CHRM2: variants seen among roughly 807,000 people sequenced by gnomAD.
CHRM2 encodes cholinergic receptor muscarinic 2.
A neutral mutation model predicts 25.0 loss-of-function variants in CHRM2; 8 were observed. That is an observed-to-expected ratio of 0.32 (90% CI 0.19 to 0.58). The LOEUF is 0.58. Among genes scored for constraint, CHRM2 ranks in the 20% least tolerant of loss-of-function variants. CHRM2 has a pLI of 0.88. For missense variants in CHRM2, 440 were observed against 567.1 expected (o/e 0.78, Z 2.28); for synonymous variants, 202 against 205.7 (o/e 0.98, Z 0.15).
At chr7:136,964,544 A>G (rs935712205) in intron 2 of CHRM2, among the ~76,000 whole-genome samples, 5 of 152,182 alleles carry the variant, frequency 3.3e-5, no homozygotes, top group African/African-American at 9.7e-5. Context: ...CAGCATTGCC[A>G]AATTCTTTCT....
chr7:136,923,296 G>C (rs918313223), intron 2 of CHRM2, among the ~76,000 whole-genome samples: 9 of 144,616 alleles, frequency 6.2e-5, no homozygotes, highest in African/African-American at 2.3e-4. Context: ...GGTCAGTAAA[G>C]ATGTGAAATT....
At chr7:136,874,493 C>T (rs1044001490) in intron 2 of CHRM2, among the ~76,000 whole-genome samples, 2 of 151,824 alleles carry the variant, frequency 1.3e-5, no homozygotes, top group African/African-American at 4.8e-5. Context: ...TTCTCATTTT[C>T]TTTCATTAGT....
intron 2 of CHRM2, among the ~76,000 whole-genome samples, chr7:136,952,578 CTTTTT>C (rs11348809): frequency 1.3e-5 from 2 of 151,022 alleles, no homozygotes; most frequent in East Asian, 3.9e-4. Context: ...TTTTTTAAAA[CTTTTT>C]TTTTTAAGTT....
intron 2 of CHRM2, among the ~76,000 whole-genome samples, chr7:136,989,660 T>C (rs766336224): frequency 7.9e-5 from 12 of 152,128 alleles, no homozygotes; most frequent in Non-Finnish European, 1.8e-4. Context: ...CTAGCATGTC[T>C]TCTCCATCCC....
In CHRM2 at chr7:136,915,569, A is replaced by G. The variant is rs543814639; in HGVS notation, c.-125+46151A>G. ...ATGTTCTAGTTTATAGGGAGATTGA[A>G]GAATCTTATAACCTCTCAACTAGAA... On this transcript the variant is annotated intron_variant, in intron 2 of 3. Coordinates refer to ENST00000680005, the MANE Select transcript of CHRM2 (RefSeq NM_001006630.2). 6.0e-4 allele frequency among the ~76,000 whole-genome samples: 91 copies of G among 151,992 alleles called. 1 individual carries two copies. The highest frequency in any genetic ancestry group is 2.0e-3 in the African/African-American group (82 of 41,536).
intron 2 of CHRM2, among the ~76,000 whole-genome samples, chr7:136,980,595 C>A (rs1802421533): frequency 1.3e-5 from 2 of 152,244 alleles, no homozygotes; most frequent in South Asian, 4.1e-4. Context: ...ATAAATAGCT[C>A]TTATTATTTT....
intron 2 of CHRM2, among the ~76,000 whole-genome samples, chr7:136,930,172 C>G (rs1487474417): frequency 6.6e-6 from 1 of 152,132 alleles, no homozygotes; most frequent in Non-Finnish European, 1.5e-5. Context: ...GTGGCTCACA[C>G]CAGTAATCCC....
rs902544661 is a variant in CHRM2 at position 136,965,754 on chromosome 7, T to G, written c.-124-26433T>G. Among the ~76,000 whole-genome samples the G allele has an allele frequency of 2.6e-5, 4 of 152,018 alleles. No individual in the cohort carries two copies. In the South Asian group the frequency reaches 8.3e-4, roughly 31 times the overall value. ...TGGTTGGCTGCAAAAGCCATTATTA[T>G]GATGCATTCATGTATTAAAGAGATA... On this transcript the variant is annotated intron_variant, in intron 2 of 3. Coordinates refer to ENST00000680005, the MANE Select transcript of CHRM2 (RefSeq NM_001006630.2).
intron 2 of CHRM2, among the ~76,000 whole-genome samples, chr7:136,900,790 T>C (rs1563054079): frequency 6.6e-6 from 1 of 151,970 alleles, no homozygotes; most frequent in Non-Finnish European, 1.5e-5. Context: ...TTTCCGTATG[T>C]GCAGGGTGAG....
intron 2 of CHRM2, among the ~76,000 whole-genome samples, chr7:136,961,754 G>A (rs570767061): frequency 2.0e-5 from 3 of 152,052 alleles, no homozygotes; most frequent in Non-Finnish European, 4.4e-5. Flanking sequence ...GTAGGAAAAG[G>A]GGTCCAAAAA....
chr7:136,964,684 G>A (rs1342013554), intron 2 of CHRM2, among the ~76,000 whole-genome samples: 1 of 152,070 alleles, frequency 6.6e-6, no homozygotes, highest in Non-Finnish European at 1.5e-5. Context: ...TATGTAGTCT[G>A]TTCATCAGAG....
chr7:136,958,654 A>G (rs983068642), intron 2 of CHRM2, among the ~76,000 whole-genome samples: 1 of 151,780 alleles, frequency 6.6e-6, no homozygotes, highest in Non-Finnish European at 1.5e-5. Flanking sequence ...ATGGAGTTTC[A>G]CCATGTTGCC....
At chr7:136,900,848 G>A (rs1309514983) in intron 2 of CHRM2, among the ~76,000 whole-genome samples, 1 of 151,974 alleles carries the variant, frequency 6.6e-6, no homozygotes, top group Non-Finnish European at 1.5e-5. Flanking sequence ...ACACAGAGAA[G>A]CAGACAGTGG....
At chr7:136,938,647 G>C in intron 2 of CHRM2, 1 of 829,184 alleles carries the variant, frequency 1.2e-6, no homozygotes, top group South Asian at 1.4e-5. Flanking sequence ...TGCGGGCACA[G>C]GGCCCACTCG....
At chr7:136,978,065 GA>G (rs1252457121) in intron 2 of CHRM2, among the ~76,000 whole-genome samples, 1 of 152,012 alleles carries the variant, frequency 6.6e-6, no homozygotes, top group Non-Finnish European at 1.5e-5. Flanking sequence ...AACTACTAGA[GA>G]GGGGGTGGAG....
chr7:136,870,715 C>T (rs1310871855), intron 2 of CHRM2: 1 of 152,368 alleles, frequency 6.6e-6, no homozygotes, highest in Admixed American at 6.5e-5. Context: ...GCCAGCAGAA[C>T]TGTCGGTGGA....
chr7:136,965,956 G>C (rs1415761941), intron 2 of CHRM2, among the ~76,000 whole-genome samples: 1 of 151,886 alleles, frequency 6.6e-6, no homozygotes, highest in Admixed American at 6.6e-5. Context: ...TTTGAAGAAA[G>C]AGCACAAGGA....
chr7:136,885,772 G>A (rs994912584), intron 2 of CHRM2, among the ~76,000 whole-genome samples: 8 of 152,114 alleles, frequency 5.3e-5, no homozygotes, highest in African/African-American at 1.9e-4. Context: ...TGAATCACAG[G>A]GAAAAATTAG....
chr7:136,885,101 T>C (rs1256107358), intron 2 of CHRM2, among the ~76,000 whole-genome samples: 7 of 152,218 alleles, frequency 4.6e-5, no homozygotes, highest in Admixed American at 4.6e-4. Flanking sequence ...CTAACTTGCT[T>C]CAATCTTTTT....
Sources: gnomAD v4.1 joint callset for allele counts (sites outside exome capture counted in the v4.1 genomes callset) on GRCh38, gnomAD v4.1.1 for gene constraint, MANE v1.5 for transcripts, NCBI Gene and HGNC (gene_info 2026-07-23, HGNC 2026-07-21) for gene names.